The following PLAC1 variants were observed in gnomAD, a reference collection of about 807,000 sequenced individuals.
PLAC1 encodes placenta-specific protein 1.
For missense variants in PLAC1, 136 were observed against 163.2 expected (o/e 0.83, Z 0.91); for synonymous variants, 68 against 62.1 (o/e 1.09, Z -0.44).
In PLAC1 at chrX:134,716,138, C is replaced by T. The variant is rs1409683616; in HGVS notation, n.174+17297G>A. ...CCTCCCCTTTCCTTTCCAGCTCCCC[C>T]GGGTCTCTCTAGCAAGCAAGTGGGC... On this transcript the variant is annotated intron_variant and non_coding_transcript_variant, in intron 2 of 2. Coordinates refer to the PLAC1 transcript ENST00000466797. Among the ~76,000 whole-genome samples, 13 of 112,298 alleles carry T rather than the reference C, an allele frequency of 1.2e-4. No homozygotes were observed. In the Admixed American group the frequency reaches 1.2e-3, roughly 11 times the overall value.
rs1429359402 is a variant in PLAC1, at chrX:134,687,307, T to C, written n.174+46128A>G. 4.5e-5 allele frequency among the ~76,000 whole-genome samples: 5 copies of C among 112,032 alleles called. No homozygotes were observed. The South Asian group carries it at 1.9e-3, about 43-fold the overall frequency. On this transcript the variant is annotated intron_variant and non_coding_transcript_variant, in intron 2 of 2. Transcript: ENST00000466797. ...CCAAGCTTGTCCAACTCACAGTTCG[T>C]GGGCCACATGTGGCCCAGGATGGCT...
chrX:134,731,230 G>A (rs940944742), intron 2 of PLAC1, among the ~76,000 whole-genome samples: 2 of 112,082 alleles, frequency 1.8e-5, no homozygotes, highest in Non-Finnish European at 3.8e-5. Context: ...CTGTGCAACC[G>A]AGATGAATAT....
chrX:134,685,449 CTTTTTT>C (rs200498313), intron 2 of PLAC1, among the ~76,000 whole-genome samples: 4 of 49,140 alleles, frequency 8.1e-5, no homozygotes, highest in African/African-American at 3.2e-4. Context: ...AATGGCGTCC[CTTTTTT>C]TTTTTTTTTT....
chrX:134,688,579 T>C (rs1231176746), intron 2 of PLAC1, among the ~76,000 whole-genome samples: 5 of 112,363 alleles, frequency 4.4e-5, no homozygotes. Flanking sequence ...TTTCTCTTTT[T>C]TCTTTCCAGA....
chrX:134,567,834 G>A (rs1169030224), intron 2 of PLAC1, among the ~76,000 whole-genome samples: 1 of 107,161 alleles, frequency 9.3e-6, no homozygotes, highest in Non-Finnish European at 1.9e-5. Context: ...GAGGGAGGGA[G>A]GGAGAGAGGG....
chrX:134,727,982 AAATAT>A (rs2078679045), intron 2 of PLAC1, among the ~76,000 whole-genome samples: 2 of 112,595 alleles, frequency 1.8e-5, no homozygotes, highest in African/African-American at 6.4e-5. Context: ...TTTGAATTAA[AAATAT>A]AATAACTAAA....
intron 2 of PLAC1, among the ~76,000 whole-genome samples, chrX:134,694,593 A>C (rs1190043989): frequency 8.9e-6 from 1 of 112,259 alleles, no homozygotes; most frequent in Non-Finnish European, 1.9e-5. Context: ...TTCTAGAATT[A>C]GTCGGAAATA....
chrX:134,718,376 C>T (rs2078648958), intron 2 of PLAC1, among the ~76,000 whole-genome samples: 1 of 112,028 alleles, frequency 8.9e-6, no homozygotes, highest in South Asian at 3.7e-4. Flanking sequence ...ACAAATTTGC[C>T]CATGGGCATT....
At chrX:134,734,655 A>G (rs1193920056) in intron 1 of PLAC1, among the ~76,000 whole-genome samples, 1 of 111,765 alleles carries the variant, frequency 8.9e-6, no homozygotes, top group Non-Finnish European at 1.9e-5. Context: ...GCACATTTTT[A>G]AGGAATGGCG....
intron 2 of PLAC1, among the ~76,000 whole-genome samples, chrX:134,726,208 A>G (rs1368427740): frequency 9.0e-6 from 1 of 110,995 alleles, no homozygotes; most frequent in Admixed American, 9.6e-5. Context: ...CCTTTGGCCA[A>G]TGATGCTTGA....
At chrX:134,568,921 C>T (rs771204154) in intron 2 of PLAC1, among the ~76,000 whole-genome samples, 2 of 110,887 alleles carry the variant, frequency 1.8e-5, no homozygotes, top group Non-Finnish European at 3.8e-5. Context: ...CTTAAATGTG[C>T]TTTAGGTGGG....
intron 2 of PLAC1, among the ~76,000 whole-genome samples, chrX:134,701,982 G>T (rs1270623128): frequency 8.9e-6 from 1 of 112,048 alleles, no homozygotes; most frequent in African/African-American, 3.2e-5. Context: ...TTGTGCCACT[G>T]CACTCCAGCC....
chrX:134,662,106 G>A (rs956323898), upstream of PLAC1, among the ~76,000 whole-genome samples: 1 of 110,644 alleles, frequency 9.0e-6, no homozygotes, highest in Non-Finnish European at 1.9e-5. Context: ...TTAGCTGGGT[G>A]TGGTGCCACA....
intron 2 of PLAC1, among the ~76,000 whole-genome samples, chrX:134,569,551 A>G (rs1303306911): frequency 9.0e-6 from 1 of 111,478 alleles, no homozygotes; most frequent in East Asian, 2.8e-4. Flanking sequence ...ACCCAGGTTT[A>G]AGGTTGCTCA....
At chrX:134,746,803 T>A (rs766173358) in intron 1 of PLAC1, among the ~76,000 whole-genome samples, 1 of 112,141 alleles carries the variant, frequency 8.9e-6, no homozygotes, top group Non-Finnish European at 1.9e-5. Flanking sequence ...TGGAAGTGAA[T>A]AGACTTCCAA....
At chrX:134,695,582 G>C (rs1303210421) in intron 2 of PLAC1, among the ~76,000 whole-genome samples, 2 of 112,059 alleles carry the variant, frequency 1.8e-5, no homozygotes, top group Non-Finnish European at 1.9e-5. Flanking sequence ...GTAGAATAAA[G>C]ACTACACTGT....
intron 1 of PLAC1, among the ~76,000 whole-genome samples, chrX:134,622,521 G>T (rs2078215840): frequency 1.8e-5 from 2 of 110,972 alleles, no homozygotes; most frequent in African/African-American, 6.6e-5. Context: ...AAATCGGATG[G>T]GTAAACTAGA....
At chrX:134,597,533 T>C (rs767980475) in intron 2 of PLAC1, among the ~76,000 whole-genome samples, 6 of 112,464 alleles carry the variant, frequency 5.3e-5, no homozygotes, top group African/African-American at 1.9e-4. Flanking sequence ...CTTGGTATGA[T>C]GAATGATTTT....
intron 2 of PLAC1, among the ~76,000 whole-genome samples, chrX:134,587,632 G>A (rs145718897): frequency 1.8e-4 from 20 of 110,712 alleles, no homozygotes; most frequent in African/African-American, 5.6e-4. Context: ...ACTGCTCTAG[G>A]GAGGCGTAGC....
Sources: allele counts gnomAD v4.1 joint callset (sites outside exome capture counted in the v4.1 genomes callset), GRCh38; gene constraint gnomAD v4.1.1; transcripts MANE v1.5; gene names NCBI Gene and HGNC (gene_info 2026-07-23, HGNC 2026-07-21).